Variants in ITGA9 observed in about 807,000 individuals in gnomAD.
ITGA9 encodes the protein integrin alpha-9.
Under a neutral mutation model 127.8 loss-of-function variants are expected in ITGA9, and 56 were observed. The observed-to-expected ratio is 0.44, with a 90% CI of 0.35 to 0.55. The LOEUF (loss-of-function observed/expected upper bound fraction) is 0.55, where lower values mean the gene tolerates loss of function less well. ITGA9 is among the 20% of genes least tolerant of loss of function. ITGA9 has a pLI of 0.00. For missense variants in ITGA9, 1,196 were observed against 1,347.1 expected (o/e 0.89, Z 1.76); for synonymous variants, 508 against 514.5 (o/e 0.99, Z 0.17).
At chr3:37,637,260 T>G (rs557935132) in intron 16 of ITGA9, among the ~76,000 whole-genome samples, 1 of 152,170 alleles carries the variant, frequency 6.6e-6, no homozygotes, top group African/African-American at 2.4e-5. Context: ...TCTTCCTACC[T>G]ACGAGCATGG....
Position 37,517,654 on chromosome 3 carries a change from C to T in ITGA9, c.1141+45C>T, listed in dbSNP as rs376754596. On this transcript the variant is annotated intron_variant, in intron 10 of 27. Coordinates refer to ENST00000264741, the MANE Select transcript of ITGA9 (RefSeq NM_002207.3). ...GCACGGAGCCCCTCCAGGTGCAGCA[C>T]GCTGCTCTGTTTCAGAGGGGCAGCC... is the stretch of plus-strand genomic sequence containing the variant. 6.6e-6 allele frequency: 9 copies of T among 1,365,842 alleles called. No homozygotes were observed. In the East Asian group the frequency reaches 7.5e-5, roughly 11 times the overall value. 84.6% of individuals were successfully genotyped at this position (1,365,842 alleles called of 1,614,324 possible).
intron 15 of ITGA9, among the ~76,000 whole-genome samples, chr3:37,579,828 G>C (rs1699688712): frequency 6.6e-6 from 1 of 152,078 alleles, no homozygotes; most frequent in Non-Finnish European, 1.5e-5. Context: ...TGGAGTTATA[G>C]CCCATCTTTG....
chr3:37,591,496 A>G (rs1699817911), intron 15 of ITGA9, among the ~76,000 whole-genome samples: 1 of 152,134 alleles, frequency 6.6e-6, no homozygotes, highest in Non-Finnish European at 1.5e-5. Context: ...GGGGAGCTGG[A>G]GTGATAGAGA....
intron 26 of ITGA9, among the ~76,000 whole-genome samples, chr3:37,797,302 C>T (rs1031756843): frequency 6.6e-6 from 1 of 152,032 alleles, no homozygotes; most frequent in Non-Finnish European, 1.5e-5. Flanking sequence ...CTATAGTAAG[C>T]CAAGATTGTA....
At chr3:37,623,239 G>A (rs1700143813) in intron 15 of ITGA9, among the ~76,000 whole-genome samples, 1 of 152,198 alleles carries the variant, frequency 6.6e-6, no homozygotes, top group Admixed American at 6.5e-5. Flanking sequence ...ATTGGCAGAT[G>A]CCTTGAGGAC....
At chr3:37,810,579 C>T (rs1697355140) in intron 27 of ITGA9, among the ~76,000 whole-genome samples, 1 of 152,140 alleles carries the variant, frequency 6.6e-6, no homozygotes. Context: ...CCATGCCTGG[C>T]TAATTTTTGT....
chr3:37,593,468 A>G (rs1313794473), intron 15 of ITGA9, among the ~76,000 whole-genome samples: 4 of 152,260 alleles, frequency 2.6e-5, no homozygotes, highest in Admixed American at 2.6e-4. Context: ...CTGAAAGCCC[A>G]CAATCAAGGT....
chr3:37,645,754 T>A (rs909404631), intron 16 of ITGA9, among the ~76,000 whole-genome samples: 1 of 152,168 alleles, frequency 6.6e-6, no homozygotes, highest in Non-Finnish European at 1.5e-5. Context: ...TATCACCAAG[T>A]CCAAGAAACT....
intron 16 of ITGA9, among the ~76,000 whole-genome samples, chr3:37,641,702 C>G (rs1055135388): frequency 6.6e-6 from 1 of 152,146 alleles, no homozygotes; most frequent in Non-Finnish European, 1.5e-5. Context: ...CTAAGGCCCA[C>G]GAGAGCCTGT....
chr3:37,823,072 G>A lies in ITGA9; in HGVS notation c.*4083G>A, dbSNP rs1014092253. On this transcript the variant is annotated 3_prime_UTR_variant, in exon 28 of 28. Transcript: ENST00000264741. ...TGGCTGAAGGGAGAATACAGAGCCAGTAGGGCCAAAATGAAACTTCTAGGA... is the reference window on the plus strand; with the variant it reads ...TGGCTGAAGGGAGAATACAGAGCCAATAGGGCCAAAATGAAACTTCTAGGA... 4 of 152,226 alleles carry A rather than the reference G, an allele frequency of 2.6e-5. No individual in the cohort carries two copies. Among genetic ancestry groups the A allele is most frequent in the African/African-American group, 9.6e-5 (4 of 41,468 alleles). The allele number at this position is 152,226 out of a possible 1,614,324, so 9.4% of individuals were successfully genotyped here.
At chr3:37,643,304 A>C (rs1015830814) in intron 16 of ITGA9, among the ~76,000 whole-genome samples, 1 of 152,198 alleles carries the variant, frequency 6.6e-6, no homozygotes, top group African/African-American at 2.4e-5. Flanking sequence ...AAAACCATCT[A>C]GTTTGAAGTA....
chr3:37,490,523 T>C (rs1030746926), intron 4 of ITGA9, among the ~76,000 whole-genome samples: 16 of 152,264 alleles, frequency 1.1e-4, no homozygotes, highest in Admixed American at 3.3e-4. Flanking sequence ...AAATGGGTAA[T>C]ATGAAGGGAG....
chr3:37,685,495 G>A (rs907424791), intron 18 of ITGA9, among the ~76,000 whole-genome samples: 3 of 152,102 alleles, frequency 2.0e-5, no homozygotes, highest in East Asian at 3.9e-4. Flanking sequence ...TTCAAGTATC[G>A]CTGGCCACAC....
intron 16 of ITGA9, among the ~76,000 whole-genome samples, chr3:37,635,221 T>C (rs1700266308): frequency 6.6e-6 from 1 of 152,232 alleles, no homozygotes; most frequent in South Asian, 2.1e-4. Context: ...GACACTTGTC[T>C]TGGCTCAACT....
At chr3:37,794,345 T>C (rs1697147850) in intron 26 of ITGA9, among the ~76,000 whole-genome samples, 1 of 152,208 alleles carries the variant, frequency 6.6e-6, no homozygotes, top group Non-Finnish European at 1.5e-5. Flanking sequence ...TGCTGTCCTG[T>C]AGCCCAGAGC....
intron 18 of ITGA9, among the ~76,000 whole-genome samples, chr3:37,714,526 G>A (rs1169110173): frequency 6.6e-6 from 1 of 152,120 alleles, no homozygotes; most frequent in African/African-American, 2.4e-5. Flanking sequence ...TCAGCAGGCT[G>A]ATTCTTCCCC....
intron 16 of ITGA9, among the ~76,000 whole-genome samples, chr3:37,642,500 G>A (rs1056052762): frequency 1.3e-5 from 2 of 152,176 alleles, no homozygotes; most frequent in Admixed American, 6.5e-5. Flanking sequence ...TCATATCAGA[G>A]CTTCTTCACT....
rs17036773 is a variant in ITGA9 at position 37,673,266 on chromosome 3, A to G, written c.1917-10599A>G. Among the ~76,000 whole-genome samples, 1,297 of 152,240 alleles carry G rather than the reference A, an allele frequency of 8.5e-3. 23 individuals are homozygous for G. Among genetic ancestry groups the G allele is most frequent in the African/African-American group, 0.03 (1,240 of 41,528 alleles). On this transcript the variant is annotated intron_variant, in intron 17 of 27. Transcript: ENST00000264741. ...CACATGACAGTGAGCTCCAACTACAACCTATTCCAAGCTGAGAGTAATGGA... is the reference window on the plus strand; with the variant it reads ...CACATGACAGTGAGCTCCAACTACAGCCTATTCCAAGCTGAGAGTAATGGA...
At chr3:37,680,990 A>G (rs1446355756) in intron 17 of ITGA9, among the ~76,000 whole-genome samples, 4 of 152,184 alleles carry the variant, frequency 2.6e-5, no homozygotes, top group Admixed American at 2.6e-4. Flanking sequence ...CAAGGCCATC[A>G]TATTTCTCAT....
Sources: gnomAD v4.1 joint callset for allele counts (sites outside exome capture counted in the v4.1 genomes callset) on GRCh38, gnomAD v4.1.1 for gene constraint, MANE v1.5 for transcripts, NCBI Gene and HGNC (gene_info 2026-07-23, HGNC 2026-07-21) for gene names.